TFEC: variants seen among roughly 807,000 people sequenced by gnomAD.
TFEC encodes class E basic helix-loop-helix protein 34.
TFEC carries 31 observed loss-of-function variants against 41.6 expected under a neutral mutation model. That is an observed-to-expected ratio of 0.74 (90% CI 0.56 to 1.01). The LOEUF (loss-of-function observed/expected upper bound fraction) is 1.01, where lower values mean the gene tolerates loss of function less well. Ranked by LOEUF, TFEC falls within the 50% of genes least tolerant of loss-of-function variation. The pLI is 0.00. For missense variants in TFEC, 402 were observed against 404.1 expected (o/e 0.99, Z 0.04); for synonymous variants, 143 against 140.6 (o/e 1.02, Z -0.12).
At chr7:115,949,276 A>G (rs1019405979) in intron 6 of TFEC, among the ~76,000 whole-genome samples, 2 of 152,078 alleles carry the variant, frequency 1.3e-5, no homozygotes, top group African/African-American at 2.4e-5. Context: ...CATACTGCCC[A>G]AGGTAATTTA....
At chr7:116,076,039 C>A (rs1796952294) in intron 3 of TFEC, among the ~76,000 whole-genome samples, 1 of 152,204 alleles carries the variant, frequency 6.6e-6, no homozygotes, top group Non-Finnish European at 1.5e-5. Context: ...TTGCTACCTC[C>A]ACTGGAACAG....
At chr7:116,109,288 C>A (rs1290386676) in intron 3 of TFEC, among the ~76,000 whole-genome samples, 1 of 152,102 alleles carries the variant, frequency 6.6e-6, no homozygotes, top group South Asian at 2.1e-4. Context: ...AAACAGGCAA[C>A]CTACAGAATG....
At chr7:116,092,484 T>C (rs937279101) in intron 3 of TFEC, among the ~76,000 whole-genome samples, 1 of 152,152 alleles carries the variant, frequency 6.6e-6, no homozygotes. Flanking sequence ...ATAAGTATAA[T>C]CAGATATTTT....
At chr7:116,091,754 A>G (rs142965026) in intron 3 of TFEC, among the ~76,000 whole-genome samples, 4,153 of 152,284 alleles carry the variant, frequency 0.027, 71 homozygotes, top group Middle Eastern at 0.041. Context: ...AAGGCTGAAA[A>G]TGTGCATTGT....
intron 3 of TFEC, among the ~76,000 whole-genome samples, chr7:116,063,133 G>A (rs948998880): frequency 1.3e-5 from 2 of 152,096 alleles, no homozygotes; most frequent in African/African-American, 4.8e-5. Context: ...CAACATGGAT[G>A]GATCTCAAAA....
chr7:116,151,621 G>T lies in TFEC; in HGVS notation c.-69+8169C>A, dbSNP rs1798763164. Reference sequence around the variant, plus strand: ...GGTTTGTTTTTTGGTTTTGGTTTTGGTTTTTTTCCAAAATGAGAACTTGTT... The same window carrying T: ...GGTTTGTTTTTTGGTTTTGGTTTTGTTTTTTTTCCAAAATGAGAACTTGTT... On this transcript the variant is annotated intron_variant, in intron 1 of 8. Coordinates refer to the TFEC transcript ENST00000484212. 2.6e-5 allele frequency among the ~76,000 whole-genome samples: 4 copies of T among 151,168 alleles called. No individual in the cohort carries two copies. In the South Asian group the frequency reaches 6.3e-4, roughly 24 times the overall value.
intron 1 of TFEC, among the ~76,000 whole-genome samples, chr7:115,990,498 G>A (rs765933824): frequency 1.3e-5 from 2 of 152,158 alleles, no homozygotes; most frequent in Non-Finnish European, 2.9e-5. Flanking sequence ...GAGATTAGAC[G>A]AATGGCTAGC....
chr7:116,074,825 A>G (rs1330621127), intron 3 of TFEC, among the ~76,000 whole-genome samples: 1 of 152,216 alleles, frequency 6.6e-6, no homozygotes, highest in Non-Finnish European at 1.5e-5. Flanking sequence ...CACATATATT[A>G]TAGCAGCGTT....
At chr7:115,994,982 T>C (rs1394143655) in intron 1 of TFEC, among the ~76,000 whole-genome samples, 2 of 151,930 alleles carry the variant, frequency 1.3e-5, no homozygotes, top group Non-Finnish European at 2.9e-5. Context: ...ATTAAGAAAA[T>C]GTGGCACATA....
At chr7:115,989,274 G>A (rs1455948537) in intron 1 of TFEC, among the ~76,000 whole-genome samples, 1 of 152,156 alleles carries the variant, frequency 6.6e-6, no homozygotes, top group African/African-American at 2.4e-5. Context: ...GCAATCATGG[G>A]AGGAGGTTCC....
At chr7:116,122,340 C>T (rs1162751797) in intron 1 of TFEC, among the ~76,000 whole-genome samples, 1 of 152,030 alleles carries the variant, frequency 6.6e-6, no homozygotes, top group African/African-American at 2.4e-5. Context: ...ACTCAAAAAG[C>T]ATTTTCCTAT....
chr7:116,097,173 G>A lies in TFEC; in HGVS notation c.198+13535C>T, dbSNP rs922310666. 5.9e-5 allele frequency among the ~76,000 whole-genome samples: 9 copies of A among 151,988 alleles called. No individual in the cohort carries two copies. The South Asian group carries it at 6.2e-4, about 11-fold the overall frequency. On this transcript the variant is annotated intron_variant, in intron 3 of 8. Transcript: ENST00000484212. ...TATAAATCAATTTTCTATACTTTAC[G>A]CAAAGTGGTAAAATGTCAATACAGG... is the stretch of plus-strand genomic sequence containing the variant.
intron 1 of TFEC, among the ~76,000 whole-genome samples, chr7:116,015,014 TG>T (rs1438375556): frequency 1.3e-5 from 2 of 152,004 alleles, no homozygotes; most frequent in Admixed American, 6.6e-5. Context: ...AATAAATTTG[TG>T]TTGTTTTAAC....
intron 3 of TFEC, among the ~76,000 whole-genome samples, chr7:116,067,463 A>T (rs1003230462): frequency 6.6e-6 from 1 of 152,020 alleles, no homozygotes; most frequent in African/African-American, 2.4e-5. Flanking sequence ...TATGAAAAAA[A>T]CCTGTAATCA....
At chr7:116,112,723 A>G (rs185241828) in intron 1 of TFEC, among the ~76,000 whole-genome samples, 2 of 152,120 alleles carry the variant, frequency 1.3e-5, no homozygotes, top group African/African-American at 4.8e-5. Context: ...TTTAAACTAG[A>G]ATATATAAAA....
chr7:116,069,798 A>G (rs759855684), intron 3 of TFEC, among the ~76,000 whole-genome samples: 2 of 151,572 alleles, frequency 1.3e-5, no homozygotes, highest in Non-Finnish European at 3.0e-5. Flanking sequence ...TGCCAACCAC[A>G]ATTCATCTTT....
chr7:115,998,510 C>T (rs1429543935), intron 1 of TFEC, among the ~76,000 whole-genome samples: 3 of 151,522 alleles, frequency 2.0e-5, no homozygotes, highest in Admixed American at 2.0e-4. Context: ...GGACTAAACT[C>T]TCCAATCAAA....
chr7:116,062,694 A>G (rs1796598673), intron 3 of TFEC, among the ~76,000 whole-genome samples: 1 of 151,318 alleles, frequency 6.6e-6, no homozygotes, highest in African/African-American at 2.4e-5. Flanking sequence ...GTGTGCAAAT[A>G]TAGTTTTTGT....
At chr7:116,143,857 C>G (rs1434829409) in intron 1 of TFEC, among the ~76,000 whole-genome samples, 1 of 152,136 alleles carries the variant, frequency 6.6e-6, no homozygotes, top group Non-Finnish European at 1.5e-5. Flanking sequence ...GAAGGGCTCC[C>G]AGACATTCTT....
Sources: allele counts gnomAD v4.1 joint callset (sites outside exome capture counted in the v4.1 genomes callset), GRCh38; gene constraint gnomAD v4.1.1; transcripts MANE v1.5; gene names NCBI Gene and HGNC (gene_info 2026-07-23, HGNC 2026-07-21).